Variants in SYTL5 observed in about 807,000 individuals in gnomAD.
SYTL5 encodes synaptotagmin-like protein 5.
In SYTL5, 34 loss-of-function variants were observed where a neutral mutation model predicts 55.9. The observed-to-expected ratio is 0.61, with a 90% CI of 0.46 to 0.81. SYTL5 has a LOEUF of 0.81. Among genes scored for constraint, SYTL5 ranks in the 30% least tolerant of loss-of-function variants. The pLI, the probability that SYTL5 is intolerant of heterozygous loss-of-function variation, is 0.00. For missense variants in SYTL5, 637 were observed against 546.7 expected, an observed-to-expected ratio of 1.17 and a Z score of -1.65; for synonymous variants, 221 against 188.7, an observed-to-expected ratio of 1.17 and a Z score of -1.40.
rs1261978509 is a variant in SYTL5 at position 38,127,187 on chromosome X, T to G, written c.*457T>G. 1 of 113,177 alleles carries G rather than the reference T, an allele frequency of 8.8e-6. No homozygotes were observed. Among genetic ancestry groups the G allele is most frequent in the Non-Finnish European group, 1.8e-5 (1 of 54,390 alleles). 9.3% of individuals were successfully genotyped at this position (113,177 alleles called of 1,213,427 possible). On this transcript the variant is annotated 3_prime_UTR_variant, in exon 17 of 17. Transcript: ENST00000297875. ...TCCACATGATCTCAAGAAGGCATGGTGGAGATGGTTGCTTGAGCAAGGGGA... is the reference window on the plus strand; with the variant it reads ...TCCACATGATCTCAAGAAGGCATGGGGGAGATGGTTGCTTGAGCAAGGGGA...
At chrX:37,899,262 C>T in the SYTL5 span, among the ~76,000 whole-genome samples, 4,020 of 110,523 alleles carry the variant, frequency 0.036, 188 homozygotes, top group African/African-American at 0.12. Flanking sequence ...AGTGCAGTGG[C>T]GCAATCATAG....
intron 13 of SYTL5, among the ~76,000 whole-genome samples, chrX:38,112,950 A>G (rs1023265804): frequency 2.7e-5 from 3 of 112,239 alleles, no homozygotes; most frequent in African/African-American, 9.7e-5. Context: ...GATCAGAATT[A>G]ATAATCCTTA....
At chrX:38,112,564 T>C (rs977842800) in intron 13 of SYTL5, among the ~76,000 whole-genome samples, 1 of 112,486 alleles carries the variant, frequency 8.9e-6, no homozygotes, top group Non-Finnish European at 1.9e-5. Flanking sequence ...CTCTAATCTC[T>C]GCCATCTTCC....
At chrX:38,011,633 C>CAAA (rs61594168) in intron 1 of SYTL5, among the ~76,000 whole-genome samples, 31 of 92,532 alleles carry the variant, frequency 3.4e-4, no homozygotes, top group African/African-American at 1.1e-3. Flanking sequence ...GACTCCGTCT[C>CAAA]AAAAAAAAAA....
intron 14 of SYTL5, 127 bp from the exon 15 acceptor site, chrX:38,121,953 C>T: frequency 1.5e-6 from 1 of 653,285 alleles, no homozygotes; most frequent in Non-Finnish European, 2.1e-6. Flanking sequence ...AATGTAAAGG[C>T]CCAAATTAGT....
the SYTL5 span, among the ~76,000 whole-genome samples, chrX:37,969,123 G>T: frequency 9.0e-6 from 1 of 110,895 alleles, no homozygotes; most frequent in African/African-American, 3.3e-5. Context: ...CTTTTAAATA[G>T]ATCTTTAAGC....
At chrX:38,089,413 C>A (rs1192511961) in intron 6 of SYTL5, 33 bp from the exon 7 acceptor site, 2 of 1,183,660 alleles carry the variant, frequency 1.7e-6, no homozygotes, top group Non-Finnish European at 2.3e-6. Context: ...GCTCTGCTTC[C>A]ATGTTAAAGT....
At chrX:37,901,537 C>T in the SYTL5 span, among the ~76,000 whole-genome samples, 32 of 111,610 alleles carry the variant, frequency 2.9e-4, no homozygotes, top group African/African-American at 1.0e-3. Context: ...TCCTGTCTCT[C>T]CTCTACACTC....
the SYTL5 span, among the ~76,000 whole-genome samples, chrX:37,997,646 C>G: frequency 8.9e-6 from 1 of 112,258 alleles, no homozygotes; most frequent in Admixed American, 9.4e-5. Flanking sequence ...AATGGGGGGC[C>G]AAGGACAGCT....
chrX:38,041,314 T>C (rs1935280926), intron 2 of SYTL5, among the ~76,000 whole-genome samples: 1 of 112,568 alleles, frequency 8.9e-6, no homozygotes, highest in African/African-American at 3.2e-5. Context: ...TAATACACTA[T>C]AAATGTTTGA....
the SYTL5 span, among the ~76,000 whole-genome samples, chrX:37,902,305 GTC>G: frequency 8.9e-6 from 1 of 111,810 alleles, no homozygotes; most frequent in African/African-American, 3.3e-5. Flanking sequence ...CATCTGCATT[GTC>G]TCAGCTCTCT....
upstream of SYTL5, among the ~76,000 whole-genome samples, chrX:38,003,469 A>G (rs1290564615): frequency 4.5e-5 from 5 of 111,514 alleles, no homozygotes; most frequent in Non-Finnish European, 9.4e-5. Context: ...GTGAACTCCC[A>G]TTCACAATTG....
chrX:37,996,218 C>T, the SYTL5 span, among the ~76,000 whole-genome samples: 10 of 111,827 alleles, frequency 8.9e-5, no homozygotes, highest in Non-Finnish European at 1.9e-4. Flanking sequence ...CGTGGGGGGC[C>T]ACAGCCAGCA....
chrX:38,106,178 C>T (rs4827332), intron 10 of SYTL5, among the ~76,000 whole-genome samples: 28,518 of 111,081 alleles, frequency 0.26, 3,360 homozygotes, highest in African/African-American at 0.44. Context: ...AGATAAGCTA[C>T]CCTTTGTCCC....
chrX:38,080,571 C>T (rs1348460408), intron 6 of SYTL5, among the ~76,000 whole-genome samples: 1 of 111,716 alleles, frequency 9.0e-6, no homozygotes, highest in Non-Finnish European at 1.9e-5. Context: ...GAGACCACAC[C>T]ATTCAAACCA....
At chrX:37,985,292 A>G in the SYTL5 span, among the ~76,000 whole-genome samples, 1 of 112,160 alleles carries the variant, frequency 8.9e-6, no homozygotes, top group Non-Finnish European at 1.9e-5. Context: ...GGGATACAAG[A>G]TCAATATATA....
intron 16 of SYTL5, 67 bp from the exon 17 acceptor site, chrX:38,126,521 T>C: frequency 8.7e-7 from 1 of 1,143,067 alleles, no homozygotes; most frequent in Non-Finnish European, 1.2e-6. Flanking sequence ...CAGAAGTTGA[T>C]AGATACCTTG....
At chrX:37,960,786 A>C in the SYTL5 span, among the ~76,000 whole-genome samples, 2 of 79,528 alleles carry the variant, frequency 2.5e-5, no homozygotes, top group Non-Finnish European at 4.7e-5. Context: ...TTATTTATTT[A>C]TTTATTTATT....
intron 3 of SYTL5, among the ~76,000 whole-genome samples, chrX:38,068,551 A>T (rs1287670090): frequency 3.6e-5 from 4 of 112,474 alleles, no homozygotes; most frequent in Admixed American, 9.4e-5. Flanking sequence ...AGTAGATTGG[A>T]TCAAGAAATT....
Sources: allele counts gnomAD v4.1 joint callset (sites outside exome capture counted in the v4.1 genomes callset), GRCh38; gene constraint gnomAD v4.1.1; transcripts MANE v1.5; gene names NCBI Gene and HGNC (gene_info 2026-07-23, HGNC 2026-07-21).